HCN1: variants seen among roughly 807,000 people sequenced by gnomAD.
The protein encoded by HCN1 is hyperpolarization activated cyclic nucleotide gated potassium channel 1.
Under a neutral mutation model 78.9 loss-of-function variants are expected in HCN1, and 13 were observed. The ratio of observed to expected loss-of-function variants is 0.16; its 90% confidence interval spans 0.11 to 0.26. HCN1 has a LOEUF of 0.26. HCN1 is among the 10% of genes least tolerant of loss of function. The probability of loss-of-function intolerance (pLI) is 1.00; values close to 1 mark genes in which losing one functional copy is unlikely to be tolerated. For missense variants in HCN1, 810 were observed against 1,154.3 expected (o/e 0.70, Z 4.32); for synonymous variants, 552 against 455.5 (o/e 1.21, Z -2.70).
chr5:45,526,899 G>T (rs1742747314), intron 2 of HCN1, among the ~76,000 whole-genome samples: 1 of 151,774 alleles, frequency 6.6e-6, no homozygotes, highest in Admixed American at 6.6e-5. Flanking sequence ...CCACACAGAG[G>T]TATGCTCCAT....
At chr5:45,568,839 A>G (rs1317077798) in intron 2 of HCN1, among the ~76,000 whole-genome samples, 1 of 152,096 alleles carries the variant, frequency 6.6e-6, no homozygotes, top group Non-Finnish European at 1.5e-5. Context: ...GTATCTTGGC[A>G]AACTAAGTAT....
intron 2 of HCN1, among the ~76,000 whole-genome samples, chr5:45,583,504 G>T (rs970109055): frequency 1.3e-5 from 2 of 152,008 alleles, no homozygotes; most frequent in African/African-American, 2.4e-5. Context: ...TTTTTGAAGG[G>T]TTTTTTGTGT....
chr5:45,357,841 T>C lies in HCN1; in HGVS notation c.1231-4595A>G, dbSNP rs1747032479. Among the ~76,000 whole-genome samples the C allele has an allele frequency of 2.0e-5, 3 of 151,936 alleles. No individual in the cohort carries two copies. The South Asian group carries it at 6.2e-4, about 31-fold the overall frequency. On this transcript the variant is annotated intron_variant, in intron 4 of 7. Coordinates refer to ENST00000303230, the MANE Select transcript of HCN1 (RefSeq NM_021072.4). ...TTGGAAAGTGTTCGGGTCATAGGGG[T>C]GGATCCCTCAAGGACAAAGATTATG... is the stretch of plus-strand genomic sequence containing the variant.
chr5:45,356,628 A>G (rs567771504), intron 4 of HCN1, among the ~76,000 whole-genome samples: 7 of 152,026 alleles, frequency 4.6e-5, no homozygotes, highest in Non-Finnish European at 8.8e-5. Flanking sequence ...TTCCTTTCTC[A>G]TGCTATAGCT....
At chr5:45,651,717 A>T (rs1745678869) in intron 1 of HCN1, among the ~76,000 whole-genome samples, 1 of 151,946 alleles carries the variant, frequency 6.6e-6, no homozygotes, top group South Asian at 2.1e-4. Context: ...ACTGGGAAAG[A>T]TATTTTGTAA....
rs543258212 is a variant in HCN1, at chr5:45,655,095, G to A, written c.426-9487C>T. 7.9e-5 allele frequency among the ~76,000 whole-genome samples: 12 copies of A among 152,184 alleles called. No homozygotes were observed. The South Asian group carries it at 2.3e-3, about 29-fold the overall frequency. On this transcript the variant is annotated intron_variant, in intron 1 of 7. Transcript: ENST00000303230. ...TGATGGACAGCACAAAATCAAACAC[G>A]TAACTGTGCCCTTCAGTCTTTAAAA... is the stretch of plus-strand genomic sequence containing the variant.
chr5:45,545,794 G>A (rs1743210847), intron 2 of HCN1, among the ~76,000 whole-genome samples: 1 of 151,862 alleles, frequency 6.6e-6, no homozygotes, highest in African/African-American at 2.4e-5. Flanking sequence ...GTGGGACACT[G>A]TTGACTATCA....
rs866884753 is a variant in HCN1, at chr5:45,549,975, G to A, written c.850-87968C>T. ...ACCATCTCACACCAGTTAGAATGGC[G>A]ATCATTAAAAAGTCAGGAAACAACA... On this transcript the variant is annotated intron_variant, in intron 2 of 7. Transcript: ENST00000303230. Among the ~76,000 whole-genome samples the A allele has an allele frequency of 8.7e-4, 133 of 152,154 alleles. 3 individuals are homozygous for A. The South Asian group carries it at 0.024, about 27-fold the overall frequency.
chr5:45,292,931 A>G (rs1745409675), intron 6 of HCN1, among the ~76,000 whole-genome samples: 1 of 152,064 alleles, frequency 6.6e-6, no homozygotes, highest in East Asian at 1.9e-4. Flanking sequence ...CAGACAATTG[A>G]TAAAGTAATA....
intron 5 of HCN1, among the ~76,000 whole-genome samples, chr5:45,327,524 T>A (rs532630905): frequency 2.0e-4 from 30 of 151,420 alleles, no homozygotes; most frequent in Admixed American, 8.6e-4. Context: ...CAGGCAAGAG[T>A]ACTAAGATAA....
intron 2 of HCN1, among the ~76,000 whole-genome samples, chr5:45,589,143 C>G (rs1330526218): frequency 1.3e-5 from 2 of 152,152 alleles, no homozygotes; most frequent in East Asian, 3.9e-4. Context: ...TCTAGTGTAA[C>G]AGCAGCAATT....
intron 6 of HCN1, among the ~76,000 whole-genome samples, chr5:45,279,046 C>A (rs1300538454): frequency 5.3e-5 from 8 of 151,960 alleles, no homozygotes; most frequent in African/African-American, 1.4e-4. Flanking sequence ...TTTTTCCTTA[C>A]AAATAGATGT....
At chr5:45,494,218 C>A (rs1457078165) in intron 2 of HCN1, among the ~76,000 whole-genome samples, 1 of 152,156 alleles carries the variant, frequency 6.6e-6, no homozygotes, top group South Asian at 2.1e-4. Context: ...GTCCCACCAA[C>A]AATGTAAAAG....
At chr5:45,499,938 A>T (rs1742154134) in intron 2 of HCN1, among the ~76,000 whole-genome samples, 1 of 152,198 alleles carries the variant, frequency 6.6e-6, no homozygotes, top group African/African-American at 2.4e-5. Flanking sequence ...GCATATGCAC[A>T]TACACATAAA....
intron 6 of HCN1, among the ~76,000 whole-genome samples, chr5:45,293,339 T>G (rs1458414207): frequency 6.6e-6 from 1 of 151,960 alleles, no homozygotes; most frequent in Admixed American, 6.6e-5. Context: ...TGCCTTTCTT[T>G]AATGATCAGT....
At chr5:45,605,552 G>A (rs1364953043) in intron 2 of HCN1, among the ~76,000 whole-genome samples, 1 of 151,640 alleles carries the variant, frequency 6.6e-6, no homozygotes, top group African/African-American at 2.4e-5. Context: ...GAAAACTAGT[G>A]TCAGAGTAAT....
intron 2 of HCN1, among the ~76,000 whole-genome samples, chr5:45,512,989 T>C (rs1742443672): frequency 6.6e-6 from 1 of 152,118 alleles, no homozygotes; most frequent in Non-Finnish European, 1.5e-5. Flanking sequence ...ATTAATAAAG[T>C]ACATCTCCAT....
chr5:45,677,780 A>C (rs909567319), intron 1 of HCN1, among the ~76,000 whole-genome samples: 2 of 151,958 alleles, frequency 1.3e-5, no homozygotes, highest in African/African-American at 4.8e-5. Context: ...AGTAGCAAAC[A>C]TAACTGAGAG....
intron 2 of HCN1, among the ~76,000 whole-genome samples, chr5:45,593,239 C>G (rs1744414084): frequency 6.7e-6 from 1 of 148,152 alleles, no homozygotes. Flanking sequence ...CACACAGACA[C>G]ACACAAACAC....
Sources: allele counts gnomAD v4.1 joint callset (sites outside exome capture counted in the v4.1 genomes callset), GRCh38; gene constraint gnomAD v4.1.1; transcripts MANE v1.5; gene names NCBI Gene and HGNC (gene_info 2026-07-23, HGNC 2026-07-21).